The following DNAH1 variants were observed in gnomAD, a reference collection of about 807,000 sequenced individuals.
The protein encoded by DNAH1 is axonemal beta dynein heavy chain 1.
In DNAH1, 327 loss-of-function variants were observed where a neutral mutation model predicts 484.3. That is an observed-to-expected ratio of 0.68 (90% confidence interval 0.62 to 0.74). The LOEUF is 0.74. Ranked by LOEUF, DNAH1 falls within the 30% of genes least tolerant of loss-of-function variation. The pLI is 0.00. For synonymous variants in DNAH1, 2,192 were observed against 2,191.9 expected (o/e 1.00, Z 0.00); for missense variants, 5,052 against 5,546.8 (o/e 0.91, Z 2.83).
At chr3:52,311,403 C>T (rs1386502904), upstream of DNAH1, among the ~76,000 whole-genome samples, 3 of 152,076 alleles carry the variant, frequency 2.0e-5, no homozygotes, top group Admixed American at 6.5e-5. Context: ...ATGGCGCACC[C>T]GGGGAGAGGG....
In DNAH1 at chr3:52,358,121, C is replaced by T. The variant is rs1418412919; in HGVS notation, c.4086+118C>T. On this transcript the variant is annotated intron_variant, in intron 24 of 77. Coordinates refer to ENST00000420323, the MANE Select transcript of DNAH1 (RefSeq NM_015512.5). This position sits in a 1 kb window ranked among gnomAD's most constrained non-coding sequence, Gnocchi z 4.2. ...AAATGTGGCAAATGACATTCCTGGT[C>T]TTTGGAGACACACCTGGGGCCTGTG... is the stretch of plus-strand genomic sequence containing the variant. 9.8e-6 allele frequency: 8 copies of T among 815,920 alleles called. No homozygotes were observed. The highest frequency in any genetic ancestry group is 1.5e-5 in the Non-Finnish European group (8 of 532,090). The allele number at this position is 815,920 out of a possible 1,614,324, so 50.5% of individuals were successfully genotyped here.
In DNAH1 at chr3:52,388,896, C is replaced by T. The variant is rs1233164282; in HGVS notation, c.9454C>T (p.Leu3152=). 1 of 1,612,154 alleles carries T rather than the reference C, an allele frequency of 6.2e-7. No homozygotes were observed. The highest frequency in any genetic ancestry group is 1.7e-5 in the Admixed American group (1 of 59,954). ...YMLNNISGDV[L]VAAGFVAYLG... is the part of the protein sequence containing the mutation. ...GCTCAACAACATCTCCGGCGATGTC[C>T]TGGTGGCCGCTGGCTTTGTGGCCTA... The change falls in exon 59 of 78, where the codon CTG becomes TTG. Residue 3152 remains leucine (L), a synonymous_variant. Transcript: ENST00000420323.
intron 53 of DNAH1, 113 bp from the exon 54 acceptor site, chr3:52,385,224 C>A: frequency 8.7e-7 from 1 of 1,151,020 alleles, no homozygotes. Context: ...AATGTGGGGG[C>A]CACCGAAGCT....
Position 52,397,889 on chromosome 3 carries a change from C to T in DNAH1, c.11958+12C>T. 9 of 1,592,540 alleles carry T rather than the reference C, an allele frequency of 5.7e-6. No homozygotes were observed. The highest frequency in any genetic ancestry group is 7.7e-6 in the Non-Finnish European group (9 of 1,168,324). ...AGGGCCGGGAGGAGGTGGGTGGTGT[C>T]AGAGTAAGGGGCCCAAGGGCTGGAC... On this transcript the variant is annotated intron_variant, in intron 74 of 77. Transcript: ENST00000420323.
intron 7 of DNAH1, among the ~76,000 whole-genome samples, chr3:52,331,776 G>A (rs987904008): frequency 2.0e-5 from 3 of 151,710 alleles, no homozygotes; most frequent in African/African-American, 4.8e-5. Context: ...AGGTGCCCAC[G>A]ACCACACCCA....
chr3:52,395,591 C>T lies in DNAH1; in HGVS notation c.11172C>T (p.Gly3724=), dbSNP rs1465552060. ...TGATGCGCAGCTCCATAGAGAGGGGCAAATGGGTCTTCTTCCAGAACTGCC... is the reference window on the plus strand; with the variant it reads ...TGATGCGCAGCTCCATAGAGAGGGGTAAATGGGTCTTCTTCCAGAACTGCC... ...EAMMRSSIER[G]KWVFFQNCHL... The change falls in exon 70 of 78, where the codon GGC becomes GGT. Residue 3724 remains glycine (G), a synonymous_variant. Coordinates refer to ENST00000420323, the MANE Select transcript of DNAH1 (RefSeq NM_015512.5). This position sits in a 1 kb window ranked among gnomAD's most constrained non-coding sequence, Gnocchi z 4.4. The T allele has an allele frequency of 6.2e-7, 1 of 1,613,806 alleles. No individual in the cohort carries two copies. Among genetic ancestry groups the T allele is most frequent in the Non-Finnish European group, 8.5e-7 (1 of 1,179,890 alleles).
rs1559541772 is a variant in DNAH1 at position 52,370,758 on chromosome 3, A to ACGGGCTGGTGTTCGATTT, written c.6459_6460insGGGCTGGTGTTCGATTTC (p.Tyr2153_Arg2154insGlyLeuValPheAspPhe). The stretch of plus-strand genomic sequence containing the variant: ...CCAGAAGAGGGGCTGGTGTTCGATT[A>ACGGGCTGGTGTTCGATTT]CAGGCTGGAGGACGCGGGCATCAGT... On this transcript the variant is annotated inframe_insertion, in exon 41 of 78. Coordinates refer to ENST00000420323, the MANE Select transcript of DNAH1 (RefSeq NM_015512.5). 4 of 1,608,438 alleles carry ACGGGCTGGTGTTCGATTT rather than the reference A, an allele frequency of 2.5e-6. No individual in the cohort carries two copies. The highest frequency in any genetic ancestry group is 3.4e-6 in the Non-Finnish European group (4 of 1,177,714).
intron 73 of DNAH1, among the ~76,000 whole-genome samples, chr3:52,397,397 A>T (rs1355259464): frequency 6.6e-6 from 1 of 152,186 alleles, no homozygotes; most frequent in Non-Finnish European, 1.5e-5. Context: ...AGAAGCCATG[A>T]GCCAGGGCTG....
In DNAH1 at chr3:52,362,613, C is replaced by T. The variant is rs1702911161; in HGVS notation, c.5094+112C>T. 1.0e-6 allele frequency: 1 copy of T among 984,760 alleles called. No homozygotes were observed. The highest frequency in any genetic ancestry group is 1.5e-6 in the Non-Finnish European group (1 of 656,228). 61.0% of individuals were successfully genotyped at this position (984,760 alleles called of 1,614,324 possible). On this transcript the variant is annotated intron_variant, in intron 31 of 77. Transcript: ENST00000420323. The surrounding 1 kb of genome is among the most constrained non-coding windows in gnomAD (Gnocchi z 5.1). ...TGCTTGGACTCCAGGGACTGTGATT[C>T]CCTATGGTAGCCCCTTAGCCATGGA...
chr3:52,397,713 C>A lies in DNAH1; in HGVS notation c.11794C>A (p.Leu3932Ile). 1 of 1,606,072 alleles carries A rather than the reference C, an allele frequency of 6.2e-7. No homozygotes were observed. The highest frequency in any genetic ancestry group is 8.5e-7 in the Non-Finnish European group (1 of 1,175,914). Reference protein sequence around the residue: ...IPPTYDLHGYLSYIKSLPLND... With the variant: ...IPPTYDLHGYISYIKSLPLND... ...TTGGCCTCCTCTCTCCTAGGGCTAC[C>A]TCTCCTACATCAAGAGCCTCCCACT... The change falls in exon 74 of 78, where the codon CTC (leucine) becomes ATC (isoleucine). Residue 3932 changes from leucine to isoleucine, a missense_variant. By Grantham distance (5) the Leu-to-Ile change is conservative. Around this residue, in one of 4 missense-constraint regions of DNAH1, gnomAD observed 853 missense variants for 899.0 expected, o/e 0.95. Coordinates refer to ENST00000420323, the MANE Select transcript of DNAH1 (RefSeq NM_015512.5).
intron 14 of DNAH1, among the ~76,000 whole-genome samples, 162 bp downstream of exon 14, chr3:52,349,582 G>T (rs1334679153): frequency 6.6e-6 from 1 of 152,218 alleles, no homozygotes; most frequent in African/African-American, 2.4e-5. Flanking sequence ...CCCCATCCCT[G>T]CCTGTCTGCA....
At chr3:52,372,784 G>A (rs1703401011) in intron 43 of DNAH1, 112 bp from the exon 44 acceptor site, 1 of 1,416,366 alleles carries the variant, frequency 7.1e-7, no homozygotes, top group South Asian at 1.4e-5. Context: ...ATTTGGAGGA[G>A]GCTAAAATTT....
In DNAH1 at chr3:52,327,969, G is replaced by A. The variant is rs1011980598; in HGVS notation, c.826G>A (p.Val276Ile). ...LEPGSLDRKP[V>I]PGKALLPTDD... is the part of the protein sequence containing the mutation. ...GCCAGGGTCTCTGGACAGGAAACCTGTCCCGGGAAAAGCCCTCTTGCCCAC... is the reference window on the plus strand; with the variant it reads ...GCCAGGGTCTCTGGACAGGAAACCTATCCCGGGAAAAGCCCTCTTGCCCAC... The change falls in exon 6 of 78, where the codon GTC becomes ATC. Residue 276 changes from valine (V) to isoleucine (I), a missense_variant. Physicochemically the swap from Val to Ile is conservative, Grantham distance 29 (BLOSUM62 3). Transcript: ENST00000420323. 3 of 1,613,966 alleles carry A rather than the reference G, an allele frequency of 1.9e-6. No homozygotes were observed. Among genetic ancestry groups the A allele is most frequent in the Non-Finnish European group, 2.5e-6 (3 of 1,179,860 alleles).
Position 52,382,421 on chromosome 3 carries a change from AC to A in DNAH1, c.7909del (p.Leu2637TyrfsTer25), listed in dbSNP as rs766495838. 1.2e-6 allele frequency: 2 copies of A among 1,613,756 alleles called. No homozygotes were observed. Among genetic ancestry groups the A allele is most frequent in the African/African-American group, 2.7e-5 (2 of 74,874 alleles). The part of the protein sequence containing the change: ...KKVLLKAGLQ[N>X]LPITFLFSDT... ...GTCCTGCTCAAGGCGGGCCTACAGA[AC>A]CTACCCATCACCTTCCTCTTCTCAG... is the stretch of plus-strand genomic sequence containing the variant. On this transcript the variant is annotated frameshift_variant, in exon 50 of 78. Coordinates refer to ENST00000420323, the MANE Select transcript of DNAH1 (RefSeq NM_015512.5). LOFTEE classifies it high-confidence loss of function.
rs114066123 is a variant in DNAH1 at position 52,353,276 on chromosome 3, C to T, written c.3201C>T (p.Cys1067=). 9.6e-3 allele frequency: 15,419 copies of T among 1,613,862 alleles called. 112 individuals carry two copies. Among genetic ancestry groups the T allele is most frequent in the Non-Finnish European group, 0.011 (13,397 of 1,179,846 alleles). Residue 1067 remains cysteine (C), a synonymous_variant, in exon 19 of 78, where the codon TGC becomes TGT. Transcript: ENST00000420323. The surrounding 1 kb of genome is among the most constrained non-coding windows in gnomAD (Gnocchi z 5.0). ...AAGCCTTCAAGACCATGCACAAGTG[C>T]GTGAAGCAGTTTAAGGACATGCCAG... ...VVEAFKTMHK[C]VKQFKDMPAC...
At chr3:52,351,655 G>C (rs1442474108) in intron 16 of DNAH1, among the ~76,000 whole-genome samples, 1 of 152,230 alleles carries the variant, frequency 6.6e-6, no homozygotes, top group Non-Finnish European at 1.5e-5. Flanking sequence ...GGGGAACTTG[G>C]CCTCACTCTT....
At chr3:52,366,694 C>T in intron 35 of DNAH1, 39 bp from the exon 36 acceptor site, 2 of 1,590,138 alleles carry the variant, frequency 1.3e-6, no homozygotes, top group Middle Eastern at 1.7e-4. Flanking sequence ...TCTAGCCCTG[C>T]TCTCTGGGAG....
chr3:52,324,978 G>A (rs1701283492), intron 3 of DNAH1, among the ~76,000 whole-genome samples: 1 of 152,132 alleles, frequency 6.6e-6, no homozygotes, highest in Non-Finnish European at 1.5e-5. Context: ...TGGAGGCCAG[G>A]CATGGGTCTC....
intron 54 of DNAH1, 50 bp from the exon 55 acceptor site, chr3:52,386,110 T>C (rs369952205): frequency 6.4e-7 from 1 of 1,558,330 alleles, no homozygotes; most frequent in Non-Finnish European, 8.7e-7. Context: ...GAGACTAAGA[T>C]GCAGAGAAGA....
Sources: gnomAD v4.1 joint callset for allele counts (sites outside exome capture counted in the v4.1 genomes callset) on GRCh38, gnomAD v4.1.1 for gene constraint, gnomAD v4.1.1 regional missense constraint, Gnocchi (gnomAD v3.1) non-coding constraint, MANE v1.5 for transcripts, NCBI Gene and HGNC (gene_info 2026-07-23, HGNC 2026-07-21) for gene names.